Variants in FRS2 observed in about 807,000 individuals in gnomAD.
FRS2 encodes FGFR signalling adaptor.
In FRS2, 8 loss-of-function variants were observed where a neutral mutation model predicts 43.9. That is an observed-to-expected ratio of 0.18 (90% CI 0.11 to 0.33). The LOEUF is 0.33. FRS2 is among the 10% of genes least tolerant of loss of function. FRS2 has a pLI of 1.00. For missense variants in FRS2, 534 were observed against 627.6 expected (o/e 0.85, Z 1.59); for synonymous variants, 219 against 220.3 (o/e 0.99, Z 0.05).
intron 4 of FRS2, among the ~76,000 whole-genome samples, chr12:69,565,252 C>G (rs1048363102): frequency 1.9e-4 from 29 of 152,178 alleles, no homozygotes; most frequent in African/African-American, 7.0e-4. Flanking sequence ...AAATGGTACA[C>G]TTGTATAAGG....
At chr12:69,489,205 G>C (rs967731067) in intron 1 of FRS2, among the ~76,000 whole-genome samples, 19 of 152,128 alleles carry the variant, frequency 1.2e-4, no homozygotes, top group Non-Finnish European at 2.8e-4. Flanking sequence ...ATGCCTTTTA[G>C]GGAATCTGAT....
intron 1 of FRS2, among the ~76,000 whole-genome samples, chr12:69,509,165 T>C (rs1223255558): frequency 2.6e-5 from 4 of 151,770 alleles, no homozygotes; most frequent in Non-Finnish European, 5.9e-5. Flanking sequence ...TTTCACATAA[T>C]TTTCCTCTTT....
chr12:69,504,542 T>G (rs1426042819), intron 1 of FRS2, among the ~76,000 whole-genome samples: 1 of 152,162 alleles, frequency 6.6e-6, no homozygotes, highest in Admixed American at 6.5e-5. Flanking sequence ...CCTTCACAAG[T>G]CAAGGAATAT....
At chr12:69,540,789 G>T (rs1016134810) in intron 3 of FRS2, among the ~76,000 whole-genome samples, 2 of 152,190 alleles carry the variant, frequency 1.3e-5, no homozygotes, top group Admixed American at 6.5e-5. Flanking sequence ...GTTGTCAGGG[G>T]TAACATCAAC....
chr12:69,488,883 T>C (rs1352550228), intron 1 of FRS2, among the ~76,000 whole-genome samples: 1 of 152,124 alleles, frequency 6.6e-6, no homozygotes, highest in Non-Finnish European at 1.5e-5. Context: ...GGTAGGGACA[T>C]GTTAAGAAAG....
In FRS2 at chr12:69,577,820, C is replaced by CT. The variant is rs778278487; in HGVS notation, c.*2868dup. ...GGAGTGATGAGATATGCACTTTACT[C>CT]TTTAAGATTCAGCAAAAAGCTTTTC... On this transcript the variant is annotated 3_prime_UTR_variant, in exon 9 of 9. Transcript: ENST00000549921. 3.3e-5 allele frequency: 5 copies of CT among 152,656 alleles called. No individual in the cohort carries two copies. Among genetic ancestry groups the CT allele is most frequent in the Admixed American group, 2.0e-4 (3 of 15,292 alleles). 9.5% of individuals were successfully genotyped at this position (152,656 alleles called of 1,614,324 possible).
intron 1 of FRS2, among the ~76,000 whole-genome samples, chr12:69,493,973 C>G (rs1872676427): frequency 6.6e-6 from 1 of 152,188 alleles, no homozygotes; most frequent in African/African-American, 2.4e-5. Context: ...ACCCATCAAT[C>G]CATGAGCTTT....
chr12:69,515,600 T>C (rs549781), intron 1 of FRS2, among the ~76,000 whole-genome samples: 92,461 of 151,838 alleles, frequency 0.61, 30,020 homozygotes, highest in African/African-American at 0.85. Flanking sequence ...CACATACACA[T>C]ACTCACACCC....
chr12:69,566,996 C>G (rs1327135507), intron 4 of FRS2, among the ~76,000 whole-genome samples: 2 of 152,180 alleles, frequency 1.3e-5, no homozygotes, highest in African/African-American at 4.8e-5. Flanking sequence ...GTGCTTATTT[C>G]TCTTTATTTT....
intron 1 of FRS2, among the ~76,000 whole-genome samples, chr12:69,518,053 TC>T (rs1875235057): frequency 6.6e-6 from 1 of 152,190 alleles, no homozygotes; most frequent in African/African-American, 2.4e-5. Context: ...ACCACTGAAT[TC>T]ATTTGGCTTA....
chr12:69,547,523 A>G (rs1188719179), intron 3 of FRS2, among the ~76,000 whole-genome samples: 1 of 152,176 alleles, frequency 6.6e-6, no homozygotes, highest in African/African-American at 2.4e-5. Flanking sequence ...TTTTATGTGT[A>G]TTTTACCACA....
chr12:69,502,522 C>T lies in FRS2; in HGVS notation c.-260-28343C>T, dbSNP rs140428218. Among the ~76,000 whole-genome samples, 822 of 152,192 alleles carry T rather than the reference C, an allele frequency of 5.4e-3. 8 individuals carry two copies. Among genetic ancestry groups the T allele is most frequent in the African/African-American group, 0.019 (790 of 41,538 alleles). ...GTGCTGGAATTATAGGTGTGAGTCACCATGCCCGGCCACTGTGATTTTTGG... is the reference window on the plus strand; with the variant it reads ...GTGCTGGAATTATAGGTGTGAGTCATCATGCCCGGCCACTGTGATTTTTGG... On this transcript the variant is annotated intron_variant, in intron 1 of 8. Coordinates refer to ENST00000549921, the MANE Select transcript of FRS2 (RefSeq NM_001278356.2).
In FRS2 at chr12:69,572,128, T is replaced by G; in HGVS notation, c.423T>G (p.Phe141Leu). 6.2e-7 allele frequency: 1 copy of G among 1,613,218 alleles called. No individual in the cohort carries two copies. Among genetic ancestry groups the G allele is most frequent in the Non-Finnish European group, 8.5e-7 (1 of 1,179,508 alleles). The change falls in exon 8 of 9, where the codon TTT (phenylalanine) becomes TTG (leucine). Residue 141 changes from phenylalanine to leucine, a missense_variant. Coordinates refer to ENST00000549921, the MANE Select transcript of FRS2 (RefSeq NM_001278356.2). ...RTPRTPTTPGFAAQNLPNGYP... is the reference protein window; with the variant it reads ...RTPRTPTTPGLAAQNLPNGYP... ...TAAACAAAAACTCAGCTCCAGGATT[T>G]GCTGCTCAGAACTTACCTAATGGAT... is the stretch of plus-strand genomic sequence containing the variant.
At chr12:69,530,461 G>T (rs1248876457) in intron 1 of FRS2, among the ~76,000 whole-genome samples, 3 of 152,052 alleles carry the variant, frequency 2.0e-5, no homozygotes, top group Non-Finnish European at 2.9e-5. Context: ...CTTTGAGGCT[G>T]GGCATGGTGG....
rs146212245 is a variant in FRS2, at chr12:69,555,338, C to A, written c.-121-6842C>A. Among the ~76,000 whole-genome samples, 513 of 152,268 alleles carry A rather than the reference C, an allele frequency of 3.4e-3. 3 individuals carry two copies. The highest frequency in any genetic ancestry group is 0.012 in the African/African-American group (479 of 41,552). ...TGGATTACAGGCATGAGCCACTGTG[C>A]CCAGCCCTTTTTTCTTATACTTAAT... On this transcript the variant is annotated intron_variant, in intron 3 of 8. Coordinates refer to ENST00000549921, the MANE Select transcript of FRS2 (RefSeq NM_001278356.2).
chr12:69,572,086 C>T (rs375524182), intron 7 of FRS2, 32 bp from the exon 8 acceptor site: 8 of 1,589,844 alleles, frequency 5.0e-6, no homozygotes, highest in Non-Finnish European at 2.6e-6. Flanking sequence ...GCCCCGCCCC[C>T]CTTTTCCTTA....
At chr12:69,524,081 G>T (rs1389875270) in intron 1 of FRS2, among the ~76,000 whole-genome samples, 1 of 152,204 alleles carries the variant, frequency 6.6e-6, no homozygotes, top group Non-Finnish European at 1.5e-5. Flanking sequence ...CTGGAGGAGG[G>T]CAGGGGGTCC....
At chr12:69,498,546 TG>T (rs1162077376) in intron 1 of FRS2, among the ~76,000 whole-genome samples, 7 of 152,056 alleles carry the variant, frequency 4.6e-5, no homozygotes, top group Non-Finnish European at 1.0e-4. Flanking sequence ...TGTGTGTGTG[TG>T]TGTGTTTGGT....
At chr12:69,471,705 T>A (rs1342167779) in intron 1 of FRS2, among the ~76,000 whole-genome samples, 1 of 152,242 alleles carries the variant, frequency 6.6e-6, no homozygotes, top group Non-Finnish European at 1.5e-5. Context: ...TTAAAAACTT[T>A]TTATAAGGGA....
Sources: gnomAD v4.1 joint callset for allele counts (sites outside exome capture counted in the v4.1 genomes callset) on GRCh38, gnomAD v4.1.1 for gene constraint, MANE v1.5 for transcripts, NCBI Gene and HGNC (gene_info 2026-07-23, HGNC 2026-07-21) for gene names.